Variants in TRIM44 observed in about 807,000 individuals in gnomAD.
TRIM44 encodes tripartite motif-containing protein 44.
Under a neutral mutation model 37.4 loss-of-function variants are expected in TRIM44, and 13 were observed. The observed-to-expected ratio is 0.35, with a 90% CI of 0.23 to 0.55. The LOEUF (loss-of-function observed/expected upper bound fraction) is 0.55. Among genes scored for constraint, TRIM44 ranks in the 20% least tolerant of loss-of-function variants. The pLI, the probability that TRIM44 is intolerant of heterozygous loss-of-function variation, is 0.89. For synonymous variants in TRIM44, 175 were observed against 157.2 expected (o/e 1.11, Z -0.85); for missense variants, 426 against 437.2 (o/e 0.97, Z 0.23).
In TRIM44 at chr11:35,817,393, G is replaced by C. The variant is rs1180513692; in HGVS notation, c.*11008G>C. The C allele has an allele frequency of 3.3e-5, 5 of 152,254 alleles. No homozygotes were observed. The highest frequency in any genetic ancestry group is 1.2e-4 in the African/African-American group (5 of 41,544). 9.4% of individuals were successfully genotyped at this position (152,254 alleles called of 1,614,324 possible). A position where few individuals can be genotyped will look rare whatever the true frequency, so the allele number is the denominator to read the frequency against. On this transcript the variant is annotated 3_prime_UTR_variant, in exon 5 of 5. Coordinates refer to ENST00000299413, the MANE Select transcript of TRIM44 (RefSeq NM_017583.6). ...CTCTCTACATGCGCCTAAAATGACG[G>C]GTAGGGTCAGAGACATTGGAGGATC...
At chr11:35,756,097 G>A in intron 4 of TRIM44, among the ~76,000 whole-genome samples, 1 of 152,226 alleles carries the variant, frequency 6.6e-6, no homozygotes, top group Non-Finnish European at 1.5e-5. Flanking sequence ...ACCTTGGGCA[G>A]TATGGCCATT....
Position 35,701,542 on chromosome 11 carries a change from C to A in TRIM44, c.747+16206C>A, listed in dbSNP as rs181078120. 3.0e-3 allele frequency among the ~76,000 whole-genome samples: 463 copies of A among 152,262 alleles called. 1 individual carries two copies. Among genetic ancestry groups the A allele is most frequent in the African/African-American group, 0.011 (450 of 41,560 alleles). On this transcript the variant is annotated intron_variant, in intron 2 of 4. Coordinates refer to ENST00000299413, the MANE Select transcript of TRIM44 (RefSeq NM_017583.6). ...AACCAGAAAGTACTCATTCCCTAAG[C>A]TGGGAATTGAACCCTGAACCCAGGC...
intron 1 of TRIM44, among the ~76,000 whole-genome samples, chr11:35,678,987 AT>A (rs200176750): frequency 0.033 from 4,683 of 140,120 alleles, 225 homozygotes; most frequent in East Asian, 0.22. Context: ...AGTTGGATTG[AT>A]TTTTTTTTTT....
intron 2 of TRIM44, among the ~76,000 whole-genome samples, chr11:35,688,363 A>T (rs1043210645): frequency 2.6e-5 from 4 of 152,200 alleles, no homozygotes; most frequent in Non-Finnish European, 5.9e-5. Flanking sequence ...GAGCAGTAGA[A>T]GATGTCTAAA....
intron 1 of TRIM44, among the ~76,000 whole-genome samples, chr11:35,667,415 G>A (rs1851344333): frequency 6.6e-6 from 1 of 152,220 alleles, no homozygotes; most frequent in Admixed American, 6.5e-5. Context: ...TGTTGATCAG[G>A]CTGGAATGCA....
chr11:35,806,724 C>CTTTG lies in TRIM44; in HGVS notation c.*342_*345dup. On this transcript the variant is annotated 3_prime_UTR_variant, in exon 5 of 5. Coordinates refer to ENST00000299413, the MANE Select transcript of TRIM44 (RefSeq NM_017583.6). The stretch of plus-strand genomic sequence containing the variant: ...AATATTGTATTACCAAACAGTATCG[C>CTTTG]TTTGTTAGGAAGGATCTGGAATAAT... 1 of 248,290 alleles carries CTTTG rather than the reference C, an allele frequency of 4.0e-6. No individual in the cohort carries two copies. 15.4% of individuals were successfully genotyped at this position (248,290 alleles called of 1,614,324 possible). A position where few individuals can be genotyped will look rare whatever the true frequency, so the allele number is the denominator to read the frequency against.
intron 4 of TRIM44, among the ~76,000 whole-genome samples, chr11:35,803,644 C>G (rs1031190183): frequency 6.6e-6 from 1 of 152,132 alleles, no homozygotes; most frequent in Admixed American, 6.5e-5. Context: ...TCGCTTGAAC[C>G]CGGGAGGCGG....
At chr11:35,757,086 A>G (rs537625343) in intron 4 of TRIM44, among the ~76,000 whole-genome samples, 1 of 152,042 alleles carries the variant, frequency 6.6e-6, no homozygotes, top group African/African-American at 2.4e-5. Context: ...GAATGGTACC[A>G]GCTCCTTGTA....
chr11:35,752,152 C>CTT (rs201354964), intron 4 of TRIM44, among the ~76,000 whole-genome samples: 7 of 146,890 alleles, frequency 4.8e-5, no homozygotes, highest in East Asian at 2.0e-4. Flanking sequence ...CAATATCTTT[C>CTT]TTTTTTTTTT....
chr11:35,805,634 C>A (rs117008742), intron 4 of TRIM44, among the ~76,000 whole-genome samples: 1 of 152,296 alleles, frequency 6.6e-6, no homozygotes, highest in African/African-American at 2.4e-5. Flanking sequence ...CTTTTAAAAA[C>A]CAATTATTTA....
At chr11:35,675,561 T>TGTTC (rs1044354243) in intron 1 of TRIM44, among the ~76,000 whole-genome samples, 1 of 152,172 alleles carries the variant, frequency 6.6e-6, no homozygotes, top group Admixed American at 6.5e-5. Context: ...TTTGTTTGTT[T>TGTTC]GTTCATTTGA....
At chr11:35,772,811 G>A (rs1852891845) in intron 4 of TRIM44, among the ~76,000 whole-genome samples, 1 of 152,174 alleles carries the variant, frequency 6.6e-6, no homozygotes, top group Non-Finnish European at 1.5e-5. Context: ...TTTGGACTGT[G>A]GACTTCTGCG....
rs1424107163 is a variant in TRIM44 at position 35,771,349 on chromosome 11, T to C, written c.1008-35009T>C. ...CTAGAAATTTTTGGAACTTTGAACT[T>C]GAGAGAGATGATTTAGGGTATCTAG... On this transcript the variant is annotated intron_variant, in intron 4 of 4. Coordinates refer to ENST00000299413, the MANE Select transcript of TRIM44 (RefSeq NM_017583.6). Among the ~76,000 whole-genome samples, 3 of 152,150 alleles carry C rather than the reference T, an allele frequency of 2.0e-5. No individual in the cohort carries two copies. The East Asian group carries it at 5.8e-4, about 29-fold the overall frequency.
intron 4 of TRIM44, among the ~76,000 whole-genome samples, chr11:35,767,329 T>G (rs912650827): frequency 3.3e-5 from 5 of 152,102 alleles, no homozygotes; most frequent in African/African-American, 1.2e-4. Flanking sequence ...CATCTTTACT[T>G]GGTGTGGATA....
At chr11:35,753,208 G>A (rs529403898) in intron 4 of TRIM44, among the ~76,000 whole-genome samples, 35 of 152,286 alleles carry the variant, frequency 2.3e-4, no homozygotes, top group African/African-American at 7.2e-4. Context: ...ACAATTGGGG[G>A]GGGAGTTAAA....
intron 2 of TRIM44, among the ~76,000 whole-genome samples, chr11:35,686,912 C>T (rs1247732254): frequency 1.3e-5 from 2 of 152,140 alleles, no homozygotes; most frequent in Non-Finnish European, 2.9e-5. Flanking sequence ...TTTTACTATC[C>T]CAAACTGAAA....
chr11:35,708,567 G>T (rs1383359188), intron 2 of TRIM44, among the ~76,000 whole-genome samples: 2 of 151,714 alleles, frequency 1.3e-5, no homozygotes, highest in African/African-American at 4.9e-5. Flanking sequence ...ATACACCATG[G>T]AATACTATGC....
chr11:35,686,568 T>G (rs1031533394), intron 2 of TRIM44, among the ~76,000 whole-genome samples: 1 of 152,014 alleles, frequency 6.6e-6, no homozygotes, highest in Non-Finnish European at 1.5e-5. Context: ...TTGTTTTTTG[T>G]TTTTTTGAGA....
At chr11:35,798,742 A>G (rs989139915) in intron 4 of TRIM44, among the ~76,000 whole-genome samples, 3 of 152,258 alleles carry the variant, frequency 2.0e-5, no homozygotes, top group Non-Finnish European at 2.9e-5. Flanking sequence ...ATAATCTTAC[A>G]GAAATATATT....
Sources: allele counts gnomAD v4.1 joint callset (sites outside exome capture counted in the v4.1 genomes callset), GRCh38; gene constraint gnomAD v4.1.1; transcripts MANE v1.5; gene names NCBI Gene and HGNC (gene_info 2026-07-23, HGNC 2026-07-21).